The following PDE7B variants were observed in gnomAD, a reference collection of about 807,000 sequenced individuals.
PDE7B encodes the protein 3',5'-cyclic-AMP phosphodiesterase 7B.
In PDE7B, 29 loss-of-function variants were observed where a neutral mutation model predicts 56.2. The observed-to-expected ratio is 0.52, with a 90% CI of 0.38 to 0.70. PDE7B has a LOEUF of 0.70. PDE7B is among the 30% of genes least tolerant of loss of function. PDE7B has a pLI of 0.00. For missense variants in PDE7B, 490 were observed against 565.0 expected (o/e 0.87, Z 1.35); for synonymous variants, 197 against 196.9 (o/e 1.00, Z 0.00).
At chr6:136,039,608 A>T (rs1203018547) in intron 2 of PDE7B, among the ~76,000 whole-genome samples, 1 of 152,236 alleles carries the variant, frequency 6.6e-6, no homozygotes, top group Non-Finnish European at 1.5e-5. Flanking sequence ...ATTATTAAGA[A>T]GTTAATACTC....
At chr6:136,037,077 C>T (rs1395136082) in intron 2 of PDE7B, among the ~76,000 whole-genome samples, 2 of 152,228 alleles carry the variant, frequency 1.3e-5, no homozygotes, top group Non-Finnish European at 2.9e-5. Flanking sequence ...TTCAACCACT[C>T]TCAGGTCGGG....
chr6:136,090,363 G>A (rs1777367445), intron 2 of PDE7B, among the ~76,000 whole-genome samples: 1 of 152,190 alleles, frequency 6.6e-6, no homozygotes, highest in South Asian at 2.1e-4. Context: ...TAGGAATTTA[G>A]AGAATTTGTG....
At chr6:136,025,821 T>C (rs1160822970) in intron 2 of PDE7B, among the ~76,000 whole-genome samples, 1 of 152,232 alleles carries the variant, frequency 6.6e-6, no homozygotes, top group Non-Finnish European at 1.5e-5. Flanking sequence ...CTTGAATATC[T>C]GTTGTCCATG....
rs1392920584 is a variant in PDE7B at position 135,971,103 on chromosome 6, G to A, written c.82+23579G>A. On this transcript the variant is annotated intron_variant, in intron 2 of 12. Transcript: ENST00000308191. ...AATGTGATCTTTTCTAGAGCTAGCC[G>A]TCTTTACAGAGGTAATCAAGTTAAA... Among the ~76,000 whole-genome samples, 6 of 152,078 alleles carry A rather than the reference G, an allele frequency of 3.9e-5. No individual in the cohort carries two copies. In the South Asian group the frequency reaches 6.2e-4, roughly 16 times the overall value.
intron 3 of PDE7B, among the ~76,000 whole-genome samples, chr6:136,133,844 G>C: frequency 6.6e-6 from 1 of 152,144 alleles, no homozygotes; most frequent in East Asian, 1.9e-4. Context: ...ATTTCAACAG[G>C]TGGGGAGAAT....
intron 3 of PDE7B, among the ~76,000 whole-genome samples, chr6:136,137,432 A>T (rs1778230022): frequency 6.6e-6 from 1 of 152,112 alleles, no homozygotes. Flanking sequence ...TGCTAATATT[A>T]GGTTTATGTA....
In PDE7B at chr6:135,878,132, C is replaced by T. The variant is rs115039787; in HGVS notation, c.21+26113C>T. Among the ~76,000 whole-genome samples the T allele has an allele frequency of 3.0e-3, 454 of 152,256 alleles. 1 individual carries two copies. Among genetic ancestry groups the T allele is most frequent in the African/African-American group, 9.9e-3 (410 of 41,560 alleles). Reference sequence around the variant, plus strand: ...TGGACAGAGAACTTTCATCATCTGCCGCAATATCCTGTTAGTTGCCACGTT... The same window carrying T: ...TGGACAGAGAACTTTCATCATCTGCTGCAATATCCTGTTAGTTGCCACGTT... On this transcript the variant is annotated intron_variant, in intron 1 of 12. Coordinates refer to ENST00000308191, the MANE Select transcript of PDE7B (RefSeq NM_018945.4).
intron 2 of PDE7B, among the ~76,000 whole-genome samples, chr6:135,988,380 A>T (rs191733089): frequency 1.2e-3 from 184 of 152,318 alleles, no homozygotes; most frequent in African/African-American, 4.1e-3. Flanking sequence ...TTTAGCACTG[A>T]GCTCATTTAG....
At chr6:135,962,253 C>G (rs947405303) in intron 2 of PDE7B, among the ~76,000 whole-genome samples, 1 of 152,050 alleles carries the variant, frequency 6.6e-6, no homozygotes, top group African/African-American at 2.4e-5. Context: ...CTAAACTTAA[C>G]CTTCATGTGT....
chr6:136,055,630 A>AAAAG (rs1776716109), intron 2 of PDE7B, among the ~76,000 whole-genome samples: 1 of 152,220 alleles, frequency 6.6e-6, no homozygotes. Context: ...TGTTTAGATT[A>AAAAG]AAAGATAAAT....
chr6:135,941,262 T>C lies in PDE7B; in HGVS notation c.22-6202T>C, dbSNP rs200600074. On this transcript the variant is annotated intron_variant, in intron 1 of 12. Transcript: ENST00000308191. ...AGAAACTTAGGTTTGATTTTTTTTTTCCCCAAAAAATGACTCTAGTCATAT... is the reference window on the plus strand; with the variant it reads ...AGAAACTTAGGTTTGATTTTTTTTTCCCCCAAAAAATGACTCTAGTCATAT... Among the ~76,000 whole-genome samples the C allele has an allele frequency of 7.5e-4, 109 of 145,628 alleles. 1 individual carries two copies. Among genetic ancestry groups the C allele is most frequent in the African/African-American group, 2.0e-3 (81 of 39,650 alleles).
At chr6:136,066,291 T>C (rs1454931308) in intron 2 of PDE7B, among the ~76,000 whole-genome samples, 1 of 152,174 alleles carries the variant, frequency 6.6e-6, no homozygotes, top group Non-Finnish European at 1.5e-5. Context: ...TTGGATTCCA[T>C]GTTTGCTGTT....
Position 135,997,147 on chromosome 6 carries a change from A to G in PDE7B, c.82+49623A>G, listed in dbSNP as rs573783275. 2.5e-4 allele frequency among the ~76,000 whole-genome samples: 38 copies of G among 151,994 alleles called. No individual in the cohort carries two copies. In the South Asian group the frequency reaches 7.9e-3, roughly 32 times the overall value. Reference sequence around the variant, plus strand: ...AATTTCAAGAAGCAGGCTGGGCACAATGGCTCAACCCTGAAATCCCAGCAC... The same window carrying G: ...AATTTCAAGAAGCAGGCTGGGCACAGTGGCTCAACCCTGAAATCCCAGCAC... On this transcript the variant is annotated intron_variant, in intron 2 of 12. Coordinates refer to ENST00000308191, the MANE Select transcript of PDE7B (RefSeq NM_018945.4).
chr6:136,118,129 C>T, intron 3 of PDE7B, among the ~76,000 whole-genome samples: 1 of 152,100 alleles, frequency 6.6e-6, no homozygotes. Context: ...TTTTGGATGT[C>T]CCTTCTCTCT....
chr6:136,137,543 C>T (rs1778233628), intron 3 of PDE7B, among the ~76,000 whole-genome samples: 1 of 152,060 alleles, frequency 6.6e-6, no homozygotes, highest in Non-Finnish European at 1.5e-5. Flanking sequence ...ACCAGTTAGT[C>T]ACTACTCGAC....
rs752358368 is a variant in PDE7B, at chr6:136,179,109, G to C, written c.916G>C (p.Glu306Gln). 1.7e-5 allele frequency: 28 copies of C among 1,613,944 alleles called. No homozygotes were observed. The highest frequency in any genetic ancestry group is 2.3e-5 in the Non-Finnish European group (27 of 1,179,942). ...AHLHNKDLRL[E>Q]DAQDRHFMLQ... ...CCTCCACAATAAAGACTTAAGACTG[G>C]AGGATGCACAGGACAGGCACTTTAT... Residue 306 changes from glutamate (E) to glutamine (Q), a missense_variant, in exon 10 of 13, where the codon GAG (glutamate) becomes CAG (glutamine). By Grantham distance (29) the Glu-to-Gln change is conservative (BLOSUM62 2). Transcript: ENST00000308191.
chr6:136,147,603 C>A, intron 4 of PDE7B, 101 bp downstream of exon 4: 1 of 872,502 alleles, frequency 1.1e-6, no homozygotes, highest in Non-Finnish European at 1.8e-6. Context: ...CTCTGAGGAG[C>A]TCTGTGACCC....
chr6:136,123,076 T>C (rs1274644379), intron 3 of PDE7B, among the ~76,000 whole-genome samples: 1 of 121,562 alleles, frequency 8.2e-6, no homozygotes, highest in Admixed American at 9.3e-5. Context: ...AGGCCTCTTC[T>C]CCATCTAGGT....
chr6:135,930,684 G>A (rs752255897), intron 1 of PDE7B, among the ~76,000 whole-genome samples: 2 of 152,174 alleles, frequency 1.3e-5, no homozygotes, highest in Non-Finnish European at 2.9e-5. Context: ...TAAATCAAGT[G>A]AGACCCTAGG....
Sources: gnomAD v4.1 joint callset for allele counts (sites outside exome capture counted in the v4.1 genomes callset) on GRCh38, gnomAD v4.1.1 for gene constraint, MANE v1.5 for transcripts, NCBI Gene and HGNC (gene_info 2026-07-23, HGNC 2026-07-21) for gene names.